Variants in ANKRD17 observed in about 807,000 individuals in gnomAD.
The protein encoded by ANKRD17 is ankyrin repeat domain-containing protein 17.
In ANKRD17, 19 loss-of-function variants were observed where a neutral mutation model predicts 229.7. That is an observed-to-expected ratio of 0.08 (90% CI 0.06 to 0.12). The LOEUF (loss-of-function observed/expected upper bound fraction) is 0.12. ANKRD17 is among the 10% of genes least tolerant of loss of function. The pLI is 1.00. For synonymous variants in ANKRD17, 1,112 were observed against 1,146.1 expected, an observed-to-expected ratio of 0.97 and a Z score of 0.60; for missense variants, 2,176 against 3,176.8, an observed-to-expected ratio of 0.68 and a Z score of 7.57.
At chr4:73,130,236 T>A (rs1728022782) in intron 16 of ANKRD17, among the ~76,000 whole-genome samples, 1 of 152,114 alleles carries the variant, frequency 6.6e-6, no homozygotes, top group African/African-American at 2.4e-5. Context: ...ATTCAATAAA[T>A]GAGAATAATC....
At chr4:73,080,422 T>C (rs1721445228) in intron 30 of ANKRD17, among the ~76,000 whole-genome samples, 1 of 152,206 alleles carries the variant, frequency 6.6e-6, no homozygotes, top group African/African-American at 2.4e-5. Context: ...AGGAAAGTGT[T>C]AGAAGTAAAA....
chr4:73,110,882 A>G (rs1174461082), intron 24 of ANKRD17, among the ~76,000 whole-genome samples: 1 of 152,224 alleles, frequency 6.6e-6, no homozygotes, highest in Non-Finnish European at 1.5e-5. Context: ...TTTGGTTTTA[A>G]TATTATGGAA....
At position 73,156,165 on chromosome 4, in the gene ANKRD17, G is replaced by A. The variant is rs777815036; in HGVS notation, c.706C>T (p.Arg236Cys). 5 of 1,587,640 alleles carry A rather than the reference G, an allele frequency of 3.1e-6. No individual in the cohort carries two copies. Among genetic ancestry groups the A allele is most frequent in the African/African-American group, 1.4e-5 (1 of 73,216 alleles). The part of the protein sequence containing the change: ...STANAGQSDN[R>C]SLAEACSEGD... ...TCTGAACAGGCTTCTGCCAAACTGC[G>A]GCTATTACGGAAAGAATATCACAAT... is the stretch of plus-strand genomic sequence containing the variant. The change falls in exon 4 of 34, where the codon CGC (arginine) becomes TGC (cysteine). Residue 236 changes from arginine (R) to cysteine (C), a missense_variant and splice_region_variant. Physicochemically the swap from Arg to Cys is radical, Grantham distance 180. Coordinates refer to ENST00000358602, the MANE Select transcript of ANKRD17 (RefSeq NM_032217.5).
At chr4:73,168,116 G>A (rs1362097078) in intron 2 of ANKRD17, among the ~76,000 whole-genome samples, 1 of 132,732 alleles carries the variant, frequency 7.5e-6, no homozygotes, top group Non-Finnish European at 1.6e-5. Context: ...TCCCACCACT[G>A]TACTCCAGCC....
At chr4:73,121,497 T>A (rs1378125765) in intron 19 of ANKRD17, 120 bp downstream of exon 19, 1 of 1,265,656 alleles carries the variant, frequency 7.9e-7, no homozygotes, top group African/African-American at 1.5e-5. Flanking sequence ...CTCTAACACT[T>A]TGAATGCCAA....
chr4:73,152,765 C>A (rs1259538132), intron 6 of ANKRD17, among the ~76,000 whole-genome samples: 1 of 152,092 alleles, frequency 6.6e-6, no homozygotes, highest in East Asian at 1.9e-4. Flanking sequence ...AATCAACCCA[C>A]TCCAAGGCTT....
In ANKRD17 at chr4:73,147,184, A is replaced by C; in HGVS notation, c.1759+57T>G. On this transcript the variant is annotated intron_variant, in intron 9 of 33. Coordinates refer to ENST00000358602, the MANE Select transcript of ANKRD17 (RefSeq NM_032217.5). Reference sequence around the variant, plus strand: ...GCATCATAAAAATATTTGCATTATGACATTTTTACTTAAACAAATCATGTA... The same window carrying C: ...GCATCATAAAAATATTTGCATTATGCCATTTTTACTTAAACAAATCATGTA... The C allele has an allele frequency of 2.8e-6, 4 of 1,432,688 alleles. No homozygotes were observed. The South Asian group carries it at 5.9e-5, about 21-fold the overall frequency. 88.7% of individuals were successfully genotyped at this position (1,432,688 alleles called of 1,614,324 possible).
chr4:73,101,651 C>G (rs1578050443), intron 25 of ANKRD17, among the ~76,000 whole-genome samples: 1 of 91,250 alleles, frequency 1.1e-5, no homozygotes, highest in African/African-American at 4.5e-5. Flanking sequence ...GGCAACAGAC[C>G]AAGACTCGGT....
intron 27 of ANKRD17, among the ~76,000 whole-genome samples, chr4:73,096,220 A>G (rs1277108050): frequency 6.6e-6 from 1 of 152,250 alleles, no homozygotes; most frequent in Non-Finnish European, 1.5e-5. Flanking sequence ...CATGATAATC[A>G]GCCAGTGATC....
At chr4:73,126,950 T>C (rs1727555508) in intron 16 of ANKRD17, among the ~76,000 whole-genome samples, 1 of 152,214 alleles carries the variant, frequency 6.6e-6, no homozygotes, top group African/African-American at 2.4e-5. Context: ...ATTTGAAATA[T>C]GGTTAGTGTA....
intron 1 of ANKRD17, among the ~76,000 whole-genome samples, chr4:73,179,514 A>ATT (rs1474647808): frequency 1.5e-5 from 1 of 65,142 alleles, no homozygotes; most frequent in African/African-American, 4.6e-5. Context: ...ATATATATAT[A>ATT]TATATTTTTT....
intron 3 of ANKRD17, among the ~76,000 whole-genome samples, chr4:73,160,466 G>A (rs553463163): frequency 3.6e-4 from 55 of 152,080 alleles, no homozygotes; most frequent in Non-Finnish European, 6.0e-4. Context: ...TGATCCGCCC[G>A]CCTCGGCCTC....
Position 73,091,870 on chromosome 4 carries a change from C to A in ANKRD17, c.5758G>T (p.Ala1920Ser). The A allele has an allele frequency of 1.2e-6, 2 of 1,614,152 alleles. No individual in the cohort carries two copies. The highest frequency in any genetic ancestry group is 1.7e-6 in the Non-Finnish European group (2 of 1,180,036). The part of the protein sequence containing the change: ...MTHFGGTFPP[A>S]QSTWGPFPVR... ...GGAAACGGACCCCAAGTGGATTGAG[C>A]TGGTGGAAAAGTACCTCCAAAGTGG... Residue 1920 changes from alanine to serine, a missense_variant, in exon 29 of 34, where the codon GCT becomes TCT. By Grantham distance (99) the Ala-to-Ser change is moderately conservative. Transcript: ENST00000358602.
At chr4:73,151,372 T>G (rs1443492891) in intron 7 of ANKRD17, 58 bp downstream of exon 7, 2 of 1,502,900 alleles carry the variant, frequency 1.3e-6, no homozygotes, top group African/African-American at 2.8e-5. Flanking sequence ...CATTGTATAC[T>G]ACTCTGTCTC....
At chr4:73,118,876 TTG>T (rs1726326908) in intron 21 of ANKRD17, 26 bp from the exon 22 acceptor site, 2 of 1,485,576 alleles carry the variant, frequency 1.3e-6, no homozygotes, top group Non-Finnish European at 1.8e-6. Flanking sequence ...ACAGATAGCA[TTG>T]TCTTTTTTTT....
At chr4:73,221,723 A>T (rs954843516) in intron 1 of ANKRD17, among the ~76,000 whole-genome samples, 20 of 152,334 alleles carry the variant, frequency 1.3e-4, no homozygotes, top group Non-Finnish European at 2.8e-4. Flanking sequence ...AGTAAAAAAT[A>T]AAAGAGAAAA....
intron 24 of ANKRD17, among the ~76,000 whole-genome samples, chr4:73,111,622 A>C (rs1725328211): frequency 6.6e-6 from 1 of 152,210 alleles, no homozygotes; most frequent in African/African-American, 2.4e-5. Flanking sequence ...AAATATGTAT[A>C]AGGGTGTTTA....
In ANKRD17 at chr4:73,142,479, G is replaced by A. The variant is rs999097318; in HGVS notation, c.2086-94C>T. 66 of 1,561,278 alleles carry A rather than the reference G, an allele frequency of 4.2e-5. 1 individual carries two copies. Among genetic ancestry groups the A allele is most frequent in the Admixed American group, 8.2e-5 (4 of 48,950 alleles). On this transcript the variant is annotated intron_variant, in intron 12 of 33. Coordinates refer to ENST00000358602, the MANE Select transcript of ANKRD17 (RefSeq NM_032217.5). ...AAGATAAAGCCAACAGGTCCCAGACGCATTAAAATCATAGGTTTGGTAAAG... is the reference window on the plus strand; with the variant it reads ...AAGATAAAGCCAACAGGTCCCAGACACATTAAAATCATAGGTTTGGTAAAG...
At chr4:73,183,161 C>T (rs1180820876) in intron 1 of ANKRD17, among the ~76,000 whole-genome samples, 1 of 152,078 alleles carries the variant, frequency 6.6e-6, no homozygotes, top group East Asian at 1.9e-4. Context: ...ATTACAGAGA[C>T]TCGAGAGATA....
Sources: gnomAD v4.1 joint callset for allele counts (sites outside exome capture counted in the v4.1 genomes callset) on GRCh38, gnomAD v4.1.1 for gene constraint, MANE v1.5 for transcripts, NCBI Gene and HGNC (gene_info 2026-07-23, HGNC 2026-07-21) for gene names.